TRIM24: variants seen among roughly 807,000 people sequenced by gnomAD.
The protein encoded by TRIM24 is tripartite motif containing 24.
TRIM24 carries 29 observed loss-of-function variants against 123.9 expected under a neutral mutation model. The observed-to-expected ratio is 0.23, with a 90% CI of 0.17 to 0.32. TRIM24 has a LOEUF of 0.32. TRIM24 is among the 10% of genes least tolerant of loss of function. TRIM24 has a pLI of 1.00. For missense variants in TRIM24, 932 were observed against 1,295.3 expected (o/e 0.72, Z 4.31); for synonymous variants, 456 against 461.1 (o/e 0.99, Z 0.14).
chr7:138,577,457 A>G lies in TRIM24; in HGVS notation c.2125A>G (p.Thr709Ala), dbSNP rs1021191426. Residue 709 changes from threonine (T) to alanine (A), a missense_variant, in exon 14 of 19, where the codon ACA becomes GCA. By Grantham distance (58) the Thr-to-Ala change is moderately conservative. Transcript: ENST00000343526. ...CAGCAAACCAGCAGGAGCTGACTCT[A>G]CACACAAAGTCCCAGTGGTCATGCT... ...SSSKPAGADSTHKVPVVMLEP... is the reference protein window; with the variant it reads ...SSSKPAGADSAHKVPVVMLEP... The G allele has an allele frequency of 4.4e-6, 7 of 1,595,764 alleles. No individual in the cohort carries two copies. The highest frequency in any genetic ancestry group is 6.0e-6 in the Non-Finnish European group (7 of 1,172,186).
intron 7 of TRIM24, among the ~76,000 whole-genome samples, chr7:138,550,318 G>GGTGTGT (rs10548154): frequency 0.022 from 3,307 of 147,546 alleles, 63 homozygotes; most frequent in East Asian, 0.082. Context: ...AGGAGTTGAT[G>GGTGTGT]GTGTGTGTGT....
rs550817288 is a variant in TRIM24, at chr7:138,460,996, A to C, written c.364+84A>C. ...CCCTTGTGCGGCGCGACCCGCTGTC[A>C]TGTCGCCGCCGCCCGGGGTGCGCGG... On this transcript the variant is annotated intron_variant, in intron 1 of 18. Coordinates refer to ENST00000343526, the MANE Select transcript of TRIM24 (RefSeq NM_015905.3). 2.0e-3 allele frequency: 2,540 copies of C among 1,241,398 alleles called. 5 individuals are homozygous for C. The highest frequency in any genetic ancestry group is 2.5e-3 in the Non-Finnish European group (2,374 of 958,482). 76.9% of individuals were successfully genotyped at this position (1,241,398 alleles called of 1,614,324 possible). A position where few individuals can be genotyped will look rare whatever the true frequency, so the allele number is the denominator to read the frequency against.
chr7:138,561,154 C>A (rs1797419652), intron 9 of TRIM24, among the ~76,000 whole-genome samples: 1 of 152,134 alleles, frequency 6.6e-6, no homozygotes, highest in Non-Finnish European at 1.5e-5. Flanking sequence ...GGGCTCTTGT[C>A]AGGGCTATTA....
At chr7:138,569,670 C>G (rs1006150972) in intron 10 of TRIM24, among the ~76,000 whole-genome samples, 2 of 152,092 alleles carry the variant, frequency 1.3e-5, no homozygotes, top group Non-Finnish European at 2.9e-5. Flanking sequence ...ACATTCATGT[C>G]CAACTTCATA....
intron 1 of TRIM24, 48 bp downstream of exon 1, chr7:138,460,960 G>A (rs1419009592): frequency 5.9e-6 from 8 of 1,360,468 alleles, no homozygotes; most frequent in Admixed American, 4.1e-5. Context: ...AGGGCCAGGA[G>A]GGGGCGGGCG....
At chr7:138,476,194 A>G (rs1051932886) in intron 1 of TRIM24, among the ~76,000 whole-genome samples, 7 of 152,238 alleles carry the variant, frequency 4.6e-5, no homozygotes, top group Admixed American at 2.6e-4. Context: ...CACAACTGAA[A>G]GGTAGATCTT....
intron 9 of TRIM24, among the ~76,000 whole-genome samples, chr7:138,564,667 T>C (rs1797498058): frequency 6.6e-6 from 1 of 152,206 alleles, no homozygotes; most frequent in African/African-American, 2.4e-5. Context: ...CTGGGTGCCC[T>C]GGCTGTCCTT....
chr7:138,578,455 G>A (rs756908339), intron 14 of TRIM24, among the ~76,000 whole-genome samples: 1 of 151,992 alleles, frequency 6.6e-6, no homozygotes, highest in Non-Finnish European at 1.5e-5. Flanking sequence ...AGTTATACCA[G>A]TACCTACCAA....
At chr7:138,510,062 C>T (rs544474059) in intron 2 of TRIM24, among the ~76,000 whole-genome samples, 2 of 152,232 alleles carry the variant, frequency 1.3e-5, no homozygotes, top group South Asian at 4.1e-4. Context: ...AGAGCTAGCT[C>T]CATTGTAGGA....
intron 12 of TRIM24, 133 bp from the exon 13 acceptor site, chr7:138,576,240 G>T: frequency 1.2e-6 from 1 of 832,598 alleles, no homozygotes; most frequent in Non-Finnish European, 2.0e-6. Flanking sequence ...TGAAAATTCA[G>T]CAACTACTTA....
chr7:138,531,043 T>A (rs959126277), intron 6 of TRIM24, among the ~76,000 whole-genome samples: 6 of 152,092 alleles, frequency 3.9e-5, no homozygotes, highest in Non-Finnish European at 8.8e-5. Context: ...AGCCTCAAAC[T>A]CCTGGGAAAC....
intron 1 of TRIM24, chr7:138,490,706 G>T: frequency 4.4e-6 from 2 of 450,290 alleles, no homozygotes; most frequent in East Asian, 5.9e-5. Context: ...GTTCAAACCT[G>T]GGCTTCTTCA....
chr7:138,514,117 G>T (rs893927398), intron 2 of TRIM24, among the ~76,000 whole-genome samples: 2 of 152,142 alleles, frequency 1.3e-5, no homozygotes, highest in African/African-American at 2.4e-5. Flanking sequence ...GCAGAGAAAA[G>T]GTAGATTTTG....
intron 10 of TRIM24, among the ~76,000 whole-genome samples, chr7:138,568,107 CTTAT>C (rs952777242): frequency 7.9e-5 from 12 of 151,940 alleles, no homozygotes; most frequent in East Asian, 1.9e-4. Flanking sequence ...TATGATACAG[CTTAT>C]TTATTTTTAT....
intron 1 of TRIM24, among the ~76,000 whole-genome samples, chr7:138,470,026 A>T (rs181523279): frequency 6.6e-6 from 1 of 151,700 alleles, no homozygotes; most frequent in Admixed American, 6.6e-5. Context: ...AGTTCCTTGT[A>T]CTGTATAACC....
chr7:138,504,687 C>G (rs28593099), intron 2 of TRIM24, among the ~76,000 whole-genome samples: 1 of 151,744 alleles, frequency 6.6e-6, no homozygotes, highest in Admixed American at 6.6e-5. Flanking sequence ...GTCTCAATCT[C>G]CTGACCTCTT....
chr7:138,500,101 T>C (rs1563034609), intron 1 of TRIM24, among the ~76,000 whole-genome samples: 1 of 152,198 alleles, frequency 6.6e-6, no homozygotes, highest in Admixed American at 6.5e-5. Flanking sequence ...ATCTCTTTTG[T>C]GGAGCTAGGC....
chr7:138,462,823 A>G (rs1335350895), intron 1 of TRIM24, among the ~76,000 whole-genome samples: 1 of 152,056 alleles, frequency 6.6e-6, no homozygotes, highest in African/African-American at 2.4e-5. Flanking sequence ...CCACGACTGG[A>G]AAGTTCGAAC....
At chr7:138,529,590 C>T (rs1054441224) in intron 6 of TRIM24, among the ~76,000 whole-genome samples, 5 of 152,064 alleles carry the variant, frequency 3.3e-5, no homozygotes, top group African/African-American at 7.2e-5. Context: ...ATACACTGTT[C>T]GATTTAGTTC....
Sources: gnomAD v4.1 joint callset for allele counts (sites outside exome capture counted in the v4.1 genomes callset) on GRCh38, gnomAD v4.1.1 for gene constraint, MANE v1.5 for transcripts, NCBI Gene and HGNC (gene_info 2026-07-23, HGNC 2026-07-21) for gene names.